Variants in KLF13 observed in about 807,000 individuals in gnomAD.
KLF13 encodes KLF transcription factor 13.
A neutral mutation model predicts 16.7 loss-of-function variants in KLF13; 8 were observed. That is an observed-to-expected ratio of 0.48 (90% CI 0.28 to 0.87). The LOEUF (loss-of-function observed/expected upper bound fraction) is 0.87. Ranked by LOEUF, KLF13 falls within the 40% of genes least tolerant of loss-of-function variation. The pLI is 0.10. For synonymous variants in KLF13, 245 were observed against 208.4 expected (o/e 1.18, Z -1.51); for missense variants, 447 against 452.2 (o/e 0.99, Z 0.10).
chr15:31,366,015 C>G (rs2039463980), intron 1 of KLF13: 2 of 152,196 alleles, frequency 1.3e-5, no homozygotes, highest in African/African-American at 4.8e-5. Context: ...GGGCGCTGCT[C>G]CGCTCGCGGC....
chr15:31,428,827 A>AAAAAGT (rs2040433685), intron 1 of KLF13, among the ~76,000 whole-genome samples: 1 of 144,720 alleles, frequency 6.9e-6, no homozygotes, highest in East Asian at 2.0e-4. Flanking sequence ...AAAAAAAAAG[A>AAAAAGT]AAAAGAAAAA....
chr15:31,331,398 C>T (rs2038829566), intron 1 of KLF13, among the ~76,000 whole-genome samples: 1 of 152,234 alleles, frequency 6.6e-6, no homozygotes, highest in Non-Finnish European at 1.5e-5. Flanking sequence ...TTTATCTTTA[C>T]CCACTGAAGC....
chr15:31,430,854 T>C (rs1035597127), intron 1 of KLF13, among the ~76,000 whole-genome samples: 9 of 152,238 alleles, frequency 5.9e-5, no homozygotes, highest in African/African-American at 1.7e-4. Flanking sequence ...CTTGAAGTCA[T>C]AGGCACTCAG....
downstream of KLF13, among the ~76,000 whole-genome samples, chr15:31,379,757 G>A (rs921933846): frequency 6.6e-6 from 1 of 152,208 alleles, no homozygotes; most frequent in African/African-American, 2.4e-5. Flanking sequence ...GGTCCTCTGT[G>A]CTGAGCAGAG....
Position 31,327,012 on chromosome 15 carries a change from T to C in KLF13, c.-201T>C, listed in dbSNP as rs2038719606. The C allele has an allele frequency of 3.9e-6, 1 of 253,612 alleles. No individual in the cohort carries two copies. The allele number at this position is 253,612 out of a possible 1,614,324, so 15.7% of individuals were successfully genotyped here. On this transcript the variant is annotated 5_prime_UTR_variant, in exon 1 of 2. Coordinates refer to ENST00000307145, the MANE Select transcript of KLF13 (RefSeq NM_015995.4). ...CGCGCCCCATGCGCTCACTCTTCGG[T>C]GCCCGGCCGGGCCGGCGCCTCGCAG...
chr15:31,374,666 T>A lies in KLF13; in HGVS notation c.*2367T>A, dbSNP rs1424194485. Reference sequence around the variant, plus strand: ...CGTTCCCCAAGGCAGGGAGAGGGAGTGGCCCGTCCCTGGGAGGCTGGCAAA... The same window carrying A: ...CGTTCCCCAAGGCAGGGAGAGGGAGAGGCCCGTCCCTGGGAGGCTGGCAAA... On this transcript the variant is annotated 3_prime_UTR_variant, in exon 2 of 2. Transcript: ENST00000307145. The A allele has an allele frequency of 6.6e-6, 1 of 151,484 alleles. No homozygotes were observed. Among genetic ancestry groups the A allele is most frequent in the Non-Finnish European group, 1.5e-5 (1 of 67,800 alleles). The allele number at this position is 151,484 out of a possible 1,614,324, so 9.4% of individuals were successfully genotyped here.
chr15:31,431,743 C>T (rs912184087), intron 1 of KLF13, among the ~76,000 whole-genome samples: 5 of 152,216 alleles, frequency 3.3e-5, no homozygotes, highest in Non-Finnish European at 2.9e-5. Context: ...GGATTACAGG[C>T]GTGAGCCACC....
In KLF13 at chr15:31,411,842, T is replaced by C. The variant is rs533267766; in HGVS notation, n.117+18151T>C. 2.0e-5 allele frequency among the ~76,000 whole-genome samples: 3 copies of C among 152,294 alleles called. No homozygotes were observed. The East Asian group carries it at 5.8e-4, about 29-fold the overall frequency. On this transcript the variant is annotated intron_variant and non_coding_transcript_variant, in intron 1 of 1. Coordinates refer to the KLF13 transcript ENST00000558225. ...CAATCTATTTGAAATAAATAGGACATTTCTTTATATGAAAACAGGTAGGTA... is the reference window on the plus strand; with the variant it reads ...CAATCTATTTGAAATAAATAGGACACTTCTTTATATGAAAACAGGTAGGTA...
intron 1 of KLF13, among the ~76,000 whole-genome samples, chr15:31,352,886 C>G (rs1028112873): frequency 6.6e-6 from 1 of 152,204 alleles, no homozygotes; most frequent in Non-Finnish European, 1.5e-5. Flanking sequence ...TCCAGGGTGG[C>G]TACTTGGAGT....
rs2039569945 is a variant in KLF13, at chr15:31,372,431, A to G, written c.*132A>G. 3.8e-6 allele frequency: 4 copies of G among 1,053,042 alleles called. No homozygotes were observed. The South Asian group carries it at 1.0e-4, about 26-fold the overall frequency. The allele number at this position is 1,053,042 out of a possible 1,614,324, so 65.2% of individuals were successfully genotyped here. A position where few individuals can be genotyped will look rare whatever the true frequency, so the allele number is the denominator to read the frequency against. ...ACAATTTTTTTCACCTCAGGTGTCA[A>G]AGTAAATTTGTTAAAAAAACAAAAA... On this transcript the variant is annotated 3_prime_UTR_variant, in exon 2 of 2. Coordinates refer to ENST00000307145, the MANE Select transcript of KLF13 (RefSeq NM_015995.4).
In KLF13 at chr15:31,377,232, GC is replaced by G. The variant is rs1035901853; in HGVS notation, c.*4937del. On this transcript the variant is annotated 3_prime_UTR_variant, in exon 2 of 2. Transcript: ENST00000307145. ...CTCTAGACACCACGTGGGCTCATTA[GC>G]CCCAGCGTCTGTGCCGGCTCCAGGT... 6.5e-6 allele frequency: 1 copy of G among 152,682 alleles called. No individual in the cohort carries two copies. Among genetic ancestry groups the G allele is most frequent in the African/African-American group, 2.4e-5 (1 of 41,438 alleles). The allele number at this position is 152,682 out of a possible 1,614,324, so 9.5% of individuals were successfully genotyped here.
chr15:31,384,508 A>T (rs1030992378), intron 1 of KLF13, among the ~76,000 whole-genome samples: 3 of 152,146 alleles, frequency 2.0e-5, no homozygotes, highest in African/African-American at 4.8e-5. Flanking sequence ...GATGACTTTT[A>T]TTTACTTATT....
At chr15:31,359,945 G>C (rs2039356812) in intron 1 of KLF13, among the ~76,000 whole-genome samples, 1 of 152,156 alleles carries the variant, frequency 6.6e-6, no homozygotes, top group Non-Finnish European at 1.5e-5. Context: ...CTTGGGGGAG[G>C]GAGGCAGGTA....
Position 31,375,644 on chromosome 15 carries a change from G to A in KLF13, c.*3345G>A, listed in dbSNP as rs2039630445. The A allele has an allele frequency of 6.6e-6, 1 of 152,158 alleles. No individual in the cohort carries two copies. The highest frequency in any genetic ancestry group is 2.4e-5 in the African/African-American group (1 of 41,434). The allele number at this position is 152,158 out of a possible 1,614,324, so 9.4% of individuals were successfully genotyped here. On this transcript the variant is annotated 3_prime_UTR_variant, in exon 2 of 2. Transcript: ENST00000307145. ...TGTTGCTCCTGTCCCAGACAAGGAA[G>A]CCCCTCTTTACATCAGCCATATTAG...
chr15:31,413,736 T>A (rs780735060), intron 1 of KLF13, among the ~76,000 whole-genome samples: 2 of 152,204 alleles, frequency 1.3e-5, no homozygotes, highest in Non-Finnish European at 1.5e-5. Context: ...CTAAAAAAAA[T>A]TCTTCAGGTT....
Position 31,376,049 on chromosome 15 carries a change from T to C in KLF13, c.*3750T>C, listed in dbSNP as rs576316437. The C allele has an allele frequency of 2.6e-5, 4 of 152,740 alleles. No homozygotes were observed. The highest frequency in any genetic ancestry group is 2.6e-4 in the Admixed American group (4 of 15,304). The allele number at this position is 152,740 out of a possible 1,614,324, so 9.5% of individuals were successfully genotyped here. Reference sequence around the variant, plus strand: ...GTGAGGGGTGATTCAGAGGTGGGGATGGGCAGAGAGGGCTGGCCACTCTGC... The same window carrying C: ...GTGAGGGGTGATTCAGAGGTGGGGACGGGCAGAGAGGGCTGGCCACTCTGC... On this transcript the variant is annotated 3_prime_UTR_variant, in exon 2 of 2. Transcript: ENST00000307145.
chr15:31,407,390 G>A (rs543302819), downstream of KLF13, among the ~76,000 whole-genome samples: 10 of 152,272 alleles, frequency 6.6e-5, no homozygotes, highest in Non-Finnish European at 1.3e-4. Context: ...ATAAGGGGAG[G>A]GGGTGGCACA....
At chr15:31,409,349 C>G (rs1232813349), downstream of KLF13, among the ~76,000 whole-genome samples, 5 of 151,800 alleles carry the variant, frequency 3.3e-5, no homozygotes, top group Non-Finnish European at 7.4e-5. Context: ...GGGACAATAC[C>G]AAATGATGCA....
intron 1 of KLF13, among the ~76,000 whole-genome samples, chr15:31,343,070 G>T (rs546198834): frequency 5.5e-4 from 84 of 152,368 alleles, no homozygotes; most frequent in African/African-American, 2.0e-3. Flanking sequence ...CCAGGCTCCT[G>T]TGCTTGGGGA....
Sources: gnomAD v4.1 joint callset for allele counts (sites outside exome capture counted in the v4.1 genomes callset) on GRCh38, gnomAD v4.1.1 for gene constraint, MANE v1.5 for transcripts, NCBI Gene and HGNC (gene_info 2026-07-23, HGNC 2026-07-21) for gene names.